PRKAR2A: variants seen among roughly 807,000 people sequenced by gnomAD.
The protein encoded by PRKAR2A is cAMP-dependent protein kinase type II-alpha regulatory subunit.
A neutral mutation model predicts 51.9 loss-of-function variants in PRKAR2A; 29 were observed. The observed-to-expected ratio is 0.56, with a 90% CI of 0.42 to 0.76. PRKAR2A has a LOEUF of 0.76. Among genes scored for constraint, PRKAR2A ranks in the 30% least tolerant of loss-of-function variants. The probability of loss-of-function intolerance (pLI) is 0.00; values close to 1 mark genes in which losing one functional copy is unlikely to be tolerated. For missense variants in PRKAR2A, 445 were observed against 512.1 expected, an observed-to-expected ratio of 0.87 and a Z score of 1.26; for synonymous variants, 178 against 186.2, an observed-to-expected ratio of 0.96 and a Z score of 0.36.
intron 1 of PRKAR2A, among the ~76,000 whole-genome samples, chr3:48,809,331 T>C (rs969135091): frequency 6.6e-6 from 1 of 151,856 alleles, no homozygotes; most frequent in African/African-American, 2.4e-5. Flanking sequence ...TGGCTTACTA[T>C]TGTAATCCCA....
At chr3:48,837,864 A>T (rs1387578065) in intron 1 of PRKAR2A, among the ~76,000 whole-genome samples, 1 of 152,094 alleles carries the variant, frequency 6.6e-6, no homozygotes, top group African/African-American at 2.4e-5. Flanking sequence ...TGAGTACATT[A>T]TGCTAAGTGC....
At chr3:48,786,480 T>C (rs768803610) in intron 4 of PRKAR2A, among the ~76,000 whole-genome samples, 10 of 149,762 alleles carry the variant, frequency 6.7e-5, no homozygotes, top group Non-Finnish European at 1.2e-4. Context: ...GACTCAGTAA[T>C]CTTCCTCTCA....
chr3:48,771,023 C>T (rs1369652572), intron 6 of PRKAR2A, among the ~76,000 whole-genome samples: 2 of 151,740 alleles, frequency 1.3e-5, no homozygotes, highest in African/African-American at 4.8e-5. Context: ...GTCAGGAGTT[C>T]GAGACCAGCC....
intron 1 of PRKAR2A, among the ~76,000 whole-genome samples, chr3:48,817,704 T>C (rs1317149585): frequency 6.7e-6 from 1 of 148,894 alleles, no homozygotes; most frequent in Non-Finnish European, 1.5e-5. Context: ...ATAATAATAA[T>C]AAAATAAACC....
At chr3:48,811,180 T>G (rs975877735) in intron 1 of PRKAR2A, among the ~76,000 whole-genome samples, 1 of 150,080 alleles carries the variant, frequency 6.7e-6, no homozygotes, top group Non-Finnish European at 1.5e-5. Flanking sequence ...ATCTCTTAAT[T>G]TTAACTTTAA....
At chr3:48,824,871 G>A (rs1196099956) in intron 1 of PRKAR2A, among the ~76,000 whole-genome samples, 3 of 150,918 alleles carry the variant, frequency 2.0e-5, no homozygotes, top group Non-Finnish European at 3.0e-5. Flanking sequence ...ACTTGAACCC[G>A]GGAGGCGGAG....
At position 48,847,306 on chromosome 3, in the gene PRKAR2A, C is replaced by CA. The variant is rs759877051; in HGVS notation, c.262+28dup. 1 of 1,611,170 alleles carries CA rather than the reference C, an allele frequency of 6.2e-7. No homozygotes were observed. The highest frequency in any genetic ancestry group is 1.3e-5 in the African/African-American group (1 of 74,704). On this transcript the variant is annotated intron_variant, in intron 1 of 10. Coordinates refer to ENST00000265563, the MANE Select transcript of PRKAR2A (RefSeq NM_004157.4). The surrounding 1 kb of genome is among the most constrained non-coding windows in gnomAD (Gnocchi z 4.4). ...CTAGACCTCTGGAGACCTCCTGCAC[C>CA]ACTCCCCAGGGCCCCGCCCACAGCC...
intron 3 of PRKAR2A, among the ~76,000 whole-genome samples, chr3:48,792,574 G>A (rs1294598337): frequency 1.4e-5 from 2 of 141,504 alleles, no homozygotes; most frequent in African/African-American, 5.3e-5. Context: ...CGATTCTCCT[G>A]CCTCAGCCTC....
chr3:48,776,628 G>A (rs2082109566), intron 5 of PRKAR2A, among the ~76,000 whole-genome samples: 1 of 152,032 alleles, frequency 6.6e-6, no homozygotes, highest in African/African-American at 2.4e-5. Context: ...ATCACCTGAG[G>A]TCAGGAGTTC....
In PRKAR2A at chr3:48,773,113, A is replaced by G; in HGVS notation, c.543-5T>C. 1.3e-6 allele frequency: 2 copies of G among 1,589,400 alleles called. No individual in the cohort carries two copies. Among genetic ancestry groups the G allele is most frequent in the South Asian group, 2.2e-5 (2 of 89,316 alleles). ...ACTAAAATGTCATAAGTTCCCCTAG[A>G]AGAATGACAAAGAATAATTTAATTA... On this transcript the variant is annotated splice_region_variant and splice_polypyrimidine_tract_variant and intron_variant, in intron 5 of 10. Transcript: ENST00000265563.
chr3:48,820,501 C>G (rs1366450165), intron 1 of PRKAR2A, among the ~76,000 whole-genome samples: 2 of 152,096 alleles, frequency 1.3e-5, no homozygotes, highest in Non-Finnish European at 2.9e-5. Flanking sequence ...ACACTCGATT[C>G]ATATGATAAG....
intron 4 of PRKAR2A, among the ~76,000 whole-genome samples, chr3:48,785,349 C>T (rs1245075913): frequency 6.6e-6 from 1 of 151,814 alleles, no homozygotes; most frequent in Admixed American, 6.6e-5. Flanking sequence ...CAACCTCTGC[C>T]TCCCGGGCTC....
intron 4 of PRKAR2A, among the ~76,000 whole-genome samples, chr3:48,789,762 C>T (rs1340118918): frequency 1.3e-5 from 2 of 151,936 alleles, no homozygotes; most frequent in African/African-American, 4.8e-5. Flanking sequence ...CATGAGCCAC[C>T]GCACCCAGCC....
chr3:48,818,968 T>C (rs1288636487), intron 1 of PRKAR2A, among the ~76,000 whole-genome samples: 1 of 152,176 alleles, frequency 6.6e-6, no homozygotes, highest in East Asian at 1.9e-4. Flanking sequence ...ACATTTTTTT[T>C]CACAGCTGCT....
Position 48,847,560 on chromosome 3 carries a change from G to A in PRKAR2A, c.37C>T (p.Leu13=), listed in dbSNP as rs2083489998. The A allele has an allele frequency of 1.3e-6, 2 of 1,555,990 alleles. No individual in the cohort carries two copies. Among genetic ancestry groups the A allele is most frequent in the South Asian group, 1.2e-5 (1 of 82,234 alleles). Residue 13 remains leucine, a synonymous_variant, in exon 1 of 11, where the codon CTG becomes TTG. Transcript: ENST00000265563. The surrounding 1 kb of genome is among the most constrained non-coding windows in gnomAD (Gnocchi z 4.4). ...ACCTCCACCGTGTAGCCCTGCAGCA[G>A]CTCCGTGAGCCCCGGCGGGATCTGG... The part of the protein sequence containing the change: ...HIQIPPGLTE[L]LQGYTVEVLR...
intron 1 of PRKAR2A, among the ~76,000 whole-genome samples, chr3:48,834,950 G>C (rs1476949174): frequency 6.6e-6 from 1 of 150,546 alleles, no homozygotes; most frequent in Non-Finnish European, 1.5e-5. Context: ...CACTTTGAGA[G>C]ACTGAGGCAG....
At chr3:48,752,424 G>A in intron 9 of PRKAR2A, 107 bp from the exon 10 acceptor site, 1 of 1,219,488 alleles carries the variant, frequency 8.2e-7, no homozygotes, top group South Asian at 1.6e-5. Flanking sequence ...CAATTACTGA[G>A]GAATTCACTT....
intron 4 of PRKAR2A, among the ~76,000 whole-genome samples, chr3:48,785,118 T>G (rs2082266945): frequency 6.8e-6 from 1 of 147,972 alleles, no homozygotes; most frequent in Non-Finnish European, 1.5e-5. Flanking sequence ...TTTGAGACAG[T>G]CTCACTTTGT....
chr3:48,847,481 CG>C lies in PRKAR2A; in HGVS notation c.115del (p.Arg39AlafsTer80). ...LVEFAVEYFTRLREARAPASV... is the reference protein window; with the variant it reads ...LVEFAVEYFTXLREARAPASV... ...GGCTGGGGCGCGGGCCTCGCGCAGGCGGGTGAAGTACTCCACTGCGAATTCG... is the reference window on the plus strand; with the variant it reads ...GGCTGGGGCGCGGGCCTCGCGCAGGCGGTGAAGTACTCCACTGCGAATTCG... On this transcript the variant is annotated frameshift_variant, in exon 1 of 11. Coordinates refer to ENST00000265563, the MANE Select transcript of PRKAR2A (RefSeq NM_004157.4). LOFTEE classifies it high-confidence loss of function. The surrounding 1 kb of genome is among the most constrained non-coding windows in gnomAD (Gnocchi z 4.4). 1.3e-6 allele frequency: 2 copies of C among 1,558,364 alleles called. No homozygotes were observed. Among genetic ancestry groups the C allele is most frequent in the Non-Finnish European group, 1.7e-6 (2 of 1,151,134 alleles).
Sources: allele counts gnomAD v4.1 joint callset (sites outside exome capture counted in the v4.1 genomes callset), GRCh38; gene constraint gnomAD v4.1.1; non-coding constraint Gnocchi (gnomAD v3.1); transcripts MANE v1.5; gene names NCBI Gene and HGNC (gene_info 2026-07-23, HGNC 2026-07-21).